Variants in PTK2B observed in about 807,000 individuals in gnomAD.
PTK2B encodes the protein protein-tyrosine kinase 2-beta.
Under a neutral mutation model 142.9 loss-of-function variants are expected in PTK2B, and 71 were observed. The ratio of observed to expected loss-of-function variants is 0.50; its 90% CI spans 0.41 to 0.61. PTK2B has a LOEUF of 0.61. Among genes scored for constraint, PTK2B ranks in the 20% least tolerant of loss-of-function variants. The pLI is 0.00. For missense variants in PTK2B, 1,105 were observed against 1,320.4 expected (o/e 0.84, Z 2.53); for synonymous variants, 519 against 503.4 (o/e 1.03, Z -0.42).
rs189694903 is a variant in PTK2B, at chr8:27,352,731, G to A, written c.-38+27050G>A. On this transcript the variant is annotated intron_variant, in intron 1 of 30. Coordinates refer to ENST00000346049, the MANE Select transcript of PTK2B (RefSeq NM_173176.3). ...GTGAGATCTGATGGTTTTGAAAAAC[G>A]GAAGTCTCCCTGCACAAGCTCTTTT... 9.9e-5 allele frequency among the ~76,000 whole-genome samples: 15 copies of A among 152,250 alleles called. No homozygotes were observed. The East Asian group carries it at 2.5e-3, about 25-fold the overall frequency.
At chr8:27,373,872 A>G (rs557654559) in intron 1 of PTK2B, among the ~76,000 whole-genome samples, 118 of 151,914 alleles carry the variant, frequency 7.8e-4, no homozygotes, top group Non-Finnish European at 1.1e-3. Flanking sequence ...AGTGAAAAAT[A>G]CGCCTCTTGA....
chr8:27,334,189 G>A (rs1258297855), intron 1 of PTK2B, among the ~76,000 whole-genome samples: 2 of 151,724 alleles, frequency 1.3e-5, no homozygotes, highest in Non-Finnish European at 2.9e-5. Context: ...ACCTAATATT[G>A]CTTCATATTT....
intron 3 of PTK2B, among the ~76,000 whole-genome samples, chr8:27,319,941 G>C (rs1803174922): frequency 6.6e-6 from 1 of 152,164 alleles, no homozygotes; most frequent in African/African-American, 2.4e-5. Flanking sequence ...TGGATGTGCA[G>C]GAGTTTCTCC....
At chr8:27,440,192 G>A (rs747788203) in intron 20 of PTK2B, 45 bp from the exon 21 acceptor site, 1 of 1,585,940 alleles carries the variant, frequency 6.3e-7, no homozygotes, top group South Asian at 1.1e-5. Context: ...GGGTGGGAGG[G>A]ACTGGTCTCC....
At chr8:27,341,936 A>T (rs1804426305) in intron 1 of PTK2B, among the ~76,000 whole-genome samples, 1 of 152,026 alleles carries the variant, frequency 6.6e-6, no homozygotes, top group South Asian at 2.1e-4. Context: ...TTATCCTCCC[A>T]AAGTGCTGGG....
rs146389385 is a variant in PTK2B at position 27,349,673 on chromosome 8, A to G, written c.-38+23992A>G. On this transcript the variant is annotated intron_variant, in intron 1 of 30. Coordinates refer to ENST00000346049, the MANE Select transcript of PTK2B (RefSeq NM_173176.3). ...AAAGAGCTGCTATAAAACTCAAAGG[A>G]AATAATATTCATCAATATCCTGTAC... Among the ~76,000 whole-genome samples the G allele has an allele frequency of 2.2e-3, 330 of 152,374 alleles. 3 individuals carry two copies. Among genetic ancestry groups the G allele is most frequent in the African/African-American group, 7.2e-3 (299 of 41,592 alleles).
At chr8:27,381,526 C>A (rs1485339891) in intron 1 of PTK2B, among the ~76,000 whole-genome samples, 1 of 152,198 alleles carries the variant, frequency 6.6e-6, no homozygotes, top group Non-Finnish European at 1.5e-5. Flanking sequence ...TATTCTTTTT[C>A]ATGGCTAAAT....
intron 28 of PTK2B, chr8:27,453,934 T>A: frequency 1.1e-5 from 6 of 570,314 alleles, no homozygotes; most frequent in East Asian, 3.1e-5. Context: ...TAGTCTGTTG[T>A]GAGGCTACCA....
At chr8:27,430,812 C>T (rs1188368113) in intron 7 of PTK2B, 64 bp from the exon 8 acceptor site, 1 of 1,579,718 alleles carries the variant, frequency 6.3e-7, no homozygotes, top group African/African-American at 1.3e-5. Context: ...CAGCGAGACC[C>T]TAAGGGAAGG....
In PTK2B at chr8:27,355,337, A is replaced by G. The variant is rs563256464; in HGVS notation, c.-38+29656A>G. ...AGAAAGAGGGAGGGAAGAGAGAGAG[A>G]AGAGAGACAAGAGAGAGATTGTAAG... On this transcript the variant is annotated intron_variant, in intron 1 of 30. Transcript: ENST00000346049. 1.2e-4 allele frequency among the ~76,000 whole-genome samples: 18 copies of G among 152,206 alleles called. No individual in the cohort carries two copies. In the South Asian group the frequency reaches 3.3e-3, roughly 28 times the overall value.
At chr8:27,323,322 G>C (rs941598540), upstream of PTK2B, 2 of 152,232 alleles carry the variant, frequency 1.3e-5, no homozygotes, top group Non-Finnish European at 2.9e-5. Context: ...TTATAGACCT[G>C]AGTTTGGGGT....
chr8:27,386,170 A>G (rs1410956372), intron 1 of PTK2B, among the ~76,000 whole-genome samples: 5 of 152,132 alleles, frequency 3.3e-5, no homozygotes, highest in Admixed American at 1.3e-4. Context: ...TCATATTTTT[A>G]TCATAGTTTT....
intron 3 of PTK2B, among the ~76,000 whole-genome samples, chr8:27,320,051 C>T (rs1019321794): frequency 6.6e-5 from 10 of 152,058 alleles, no homozygotes; most frequent in East Asian, 1.9e-4. Flanking sequence ...GGGAGGAGTG[C>T]GCATTGGGGT....
intron 3 of PTK2B, among the ~76,000 whole-genome samples, chr8:27,317,744 A>G (rs1416348820): frequency 6.6e-6 from 1 of 152,190 alleles, no homozygotes; most frequent in East Asian, 1.9e-4. Context: ...CTATCCAGCC[A>G]GCTTCCCTCA....
intron 2 of PTK2B, among the ~76,000 whole-genome samples, chr8:27,401,520 G>C (rs1808384948): frequency 6.6e-6 from 1 of 152,204 alleles, no homozygotes; most frequent in South Asian, 2.1e-4. Context: ...TTTTGACCAA[G>C]AAGGAAAAGA....
intron 1 of PTK2B, among the ~76,000 whole-genome samples, chr8:27,351,819 C>T (rs542589273): frequency 4.1e-4 from 63 of 152,274 alleles, no homozygotes; most frequent in Middle Eastern, 3.4e-3. Flanking sequence ...TAAAACCACC[C>T]GTTGAAGGGC....
Position 27,383,852 on chromosome 8 carries a change from AT to A in PTK2B, c.-37-13683del, listed in dbSNP as rs749255419. On this transcript the variant is annotated intron_variant, in intron 1 of 30. Transcript: ENST00000346049. ...AGGTGTGCACCACCACACCTGGCTA[AT>A]TTTTTTTTTTTTGAGACAGAGTTTC... 2.3e-3 allele frequency among the ~76,000 whole-genome samples: 266 copies of A among 116,482 alleles called. 3 individuals carry two copies. The highest frequency in any genetic ancestry group is 5.0e-3 in the African/African-American group (166 of 33,022). 76.4% of individuals were successfully genotyped at this position (116,482 alleles called of 152,430 possible).
chr8:27,360,449 G>A (rs1805631904), intron 1 of PTK2B, among the ~76,000 whole-genome samples: 4 of 152,164 alleles, frequency 2.6e-5, no homozygotes, highest in Admixed American at 2.6e-4. Context: ...ATAGAGACAG[G>A]GAGCTGTCAC....
chr8:27,423,646 G>A (rs1809897104), intron 5 of PTK2B, among the ~76,000 whole-genome samples: 1 of 152,156 alleles, frequency 6.6e-6, no homozygotes, highest in Admixed American at 6.5e-5. Flanking sequence ...ATGGTTAATA[G>A]AGAGTAGAAC....
Sources: allele counts gnomAD v4.1 joint callset (sites outside exome capture counted in the v4.1 genomes callset), GRCh38; gene constraint gnomAD v4.1.1; transcripts MANE v1.5; gene names NCBI Gene and HGNC (gene_info 2026-07-23, HGNC 2026-07-21).